Variants in ZNF730 observed in about 807,000 individuals in gnomAD.
The protein encoded by ZNF730 is putative zinc finger protein 730.
ZNF730 carries 12 observed loss-of-function variants against 12.6 expected under a neutral mutation model. The ratio of observed to expected loss-of-function variants is 0.95; its 90% CI spans 0.61 to 1.54. The LOEUF (loss-of-function observed/expected upper bound fraction) is 1.54, where lower values mean the gene tolerates loss of function less well. ZNF730 is among the 40% of genes most tolerant of loss of function. The pLI is 0.00. For missense variants in ZNF730, 643 were observed against 583.5 expected, an observed-to-expected ratio of 1.10 and a Z score of -1.05; for synonymous variants, 194 against 195.8, an observed-to-expected ratio of 0.99 and a Z score of 0.08.
At chr19:23,127,610 TTTTG>T in intron 1 of ZNF730, 1 of 1,000,054 alleles carries the variant, frequency 1.0e-6, no homozygotes, top group South Asian at 1.3e-5. Context: ...AGAAAACTCA[TTTTG>T]TTTAAAATTT....
In ZNF730 at chr19:23,134,144, C is replaced by A. The variant is rs748618072; in HGVS notation, c.68C>A (p.Thr23Asn). Residue 23 changes from threonine (T) to asparagine (N), a missense_variant, in exon 2 of 4, where the codon ACC becomes AAC. Transcript: ENST00000597761. ...FSLEEWQCLDTEQQNLYRNVM... is the reference protein window; with the variant it reads ...FSLEEWQCLDNEQQNLYRNVM... Reference sequence around the variant, plus strand: ...CTGGAGGAGTGGCAATGTCTGGACACCGAACAACAGAATTTATATAGAAAT... The same window carrying A: ...CTGGAGGAGTGGCAATGTCTGGACAACGAACAACAGAATTTATATAGAAAT... 2 of 1,613,036 alleles carry A rather than the reference C, an allele frequency of 1.2e-6. No individual in the cohort carries two copies. The highest frequency in any genetic ancestry group is 1.1e-5 in the South Asian group (1 of 90,926).
intron 1 of ZNF730, among the ~76,000 whole-genome samples, chr19:23,092,424 A>G (rs1970174373): frequency 6.7e-6 from 1 of 150,190 alleles, no homozygotes; most frequent in South Asian, 2.1e-4. Flanking sequence ...GAGAAGCCCC[A>G]TCTCTCTTAA....
At chr19:23,116,875 CTTCA>C (rs958436776), upstream of ZNF730, 27 of 366,594 alleles carry the variant, frequency 7.4e-5, no homozygotes, top group Admixed American at 1.2e-3. Flanking sequence ...CGCTGTCACT[CTTCA>C]TTCAGTCCAG....
chr19:23,142,895 T>C (rs1038071964), intron 3 of ZNF730, among the ~76,000 whole-genome samples: 3 of 152,174 alleles, frequency 2.0e-5, no homozygotes, highest in Non-Finnish European at 4.4e-5. Context: ...TCTCTTTGTG[T>C]ATCTATACAG....
rs202064582 is a variant in ZNF730 at position 23,138,301 on chromosome 19, A to T, written c.226+2258A>T. On this transcript the variant is annotated intron_variant, in intron 3 of 3. Coordinates refer to ENST00000597761, the MANE Select transcript of ZNF730 (RefSeq NM_001277403.2). ...CCGTCTCAAAAAAAAAAAAAAAAAA[A>T]AAGAAAATGGCTTTCACTGGGTACC... Among the ~76,000 whole-genome samples the T allele has an allele frequency of 1.3e-4, 2 of 15,190 alleles. 1 individual carries two copies. Among genetic ancestry groups the T allele is most frequent in the African/African-American group, 2.3e-4 (2 of 8,528 alleles). The allele number at this position is 15,190 out of a possible 152,430, so 10.0% of individuals were successfully genotyped here.
intron 1 of ZNF730, among the ~76,000 whole-genome samples, chr19:23,124,386 A>T (rs1297594944): frequency 6.6e-6 from 1 of 152,220 alleles, no homozygotes; most frequent in African/African-American, 2.4e-5. Context: ...GTAAAATGCA[A>T]GACTGGAATA....
At chr19:23,134,393 T>C (rs571779727) in intron 2 of ZNF730, among the ~76,000 whole-genome samples, 187 bp downstream of exon 2, 2 of 127,840 alleles carry the variant, frequency 1.6e-5, no homozygotes, top group East Asian at 4.8e-4. Context: ...GGTGGGGGGG[T>C]CAGCCCCCCG....
chr19:23,135,217 T>C (rs1970810190), intron 2 of ZNF730, among the ~76,000 whole-genome samples: 2 of 25,628 alleles, frequency 7.8e-5, no homozygotes, highest in South Asian at 2.6e-3. Flanking sequence ...CCAAGAATGA[T>C]CAATAAAAAA....
chr19:23,108,249 T>A (rs1018806995), intron 1 of ZNF730, among the ~76,000 whole-genome samples: 1 of 152,004 alleles, frequency 6.6e-6, no homozygotes, highest in Non-Finnish European at 1.5e-5. Flanking sequence ...ATCACACTGT[T>A]GCCCAGGTTC....
At chr19:23,127,727 TTTA>T (rs780220797) in intron 1 of ZNF730, 41 of 1,189,588 alleles carry the variant, frequency 3.4e-5, no homozygotes, top group Non-Finnish European at 4.6e-5. Flanking sequence ...AAGATCTACA[TTTA>T]TTGCTTTAAG....
chr19:23,078,140 C>T (rs1031039107), intron 1 of ZNF730, among the ~76,000 whole-genome samples: 41 of 152,208 alleles, frequency 2.7e-4, no homozygotes, highest in African/African-American at 7.9e-4. Context: ...ACCTGACCGT[C>T]CCCCAGCCTG....
chr19:23,146,033 A>G lies in ZNF730; in HGVS notation c.989A>G (p.His330Arg), dbSNP rs975821915. Residue 330 changes from histidine to arginine, a missense_variant, in exon 4 of 4, where the codon CAT becomes CGT. His to Arg is a conservative substitution (Grantham distance 29). Coordinates refer to ENST00000597761, the MANE Select transcript of ZNF730 (RefSeq NM_001277403.2). ...AFKWSSTLTK[H>R]KRIHNGEKPY... Reference sequence around the variant, plus strand: ...AAGTGGTCCTCAACCCTTACAAAACATAAAAGAATTCATAATGGAGAAAAA... The same window carrying G: ...AAGTGGTCCTCAACCCTTACAAAACGTAAAAGAATTCATAATGGAGAAAAA... The G allele has an allele frequency of 9.9e-6, 16 of 1,610,554 alleles. No homozygotes were observed. In the East Asian group the frequency reaches 2.0e-4, roughly 20 times the overall value.
chr19:23,080,590 G>T (rs1023820654), intron 1 of ZNF730, among the ~76,000 whole-genome samples: 5 of 151,838 alleles, frequency 3.3e-5, no homozygotes, highest in African/African-American at 1.2e-4. Flanking sequence ...GCCCAGGCTG[G>T]TCTCAAATTC....
At chr19:23,124,037 T>C (rs1020957981) in intron 1 of ZNF730, 5 of 152,204 alleles carry the variant, frequency 3.3e-5, no homozygotes, top group Admixed American at 1.3e-4. Context: ...GGTGCAGTTC[T>C]ACCCAGGAGG....
chr19:23,093,370 G>C (rs1430235615), intron 1 of ZNF730, among the ~76,000 whole-genome samples: 1 of 152,188 alleles, frequency 6.6e-6, no homozygotes. Flanking sequence ...CTTCCCATGG[G>C]GACTCAGGGA....
chr19:23,093,622 G>A (rs1266129282), intron 1 of ZNF730, among the ~76,000 whole-genome samples: 2 of 152,164 alleles, frequency 1.3e-5, no homozygotes, highest in African/African-American at 4.8e-5. Context: ...TGAGGCACTG[G>A]TGTCTGGGGA....
chr19:23,120,611 GATA>G lies in ZNF730; in HGVS notation c.3+3440_3+3442del, dbSNP rs747032113. Among the ~76,000 whole-genome samples the G allele has an allele frequency of 4.0e-5, 6 of 151,394 alleles. No individual in the cohort carries two copies. In the East Asian group the frequency reaches 5.8e-4, roughly 15 times the overall value. ...ATTAATCTTATTAACTTTGTTATAA[GATA>G]ATAAGATAAGTGGTTATTATCTTAT... On this transcript the variant is annotated intron_variant, in intron 1 of 3. Transcript: ENST00000597761.
chr19:23,101,432 A>T (rs1465284402), intron 1 of ZNF730, among the ~76,000 whole-genome samples: 1 of 152,060 alleles, frequency 6.6e-6, no homozygotes, highest in East Asian at 2.0e-4. Flanking sequence ...TGTGACTCAC[A>T]TACTTAGACC....
chr19:23,143,040 C>T (rs886790916), intron 3 of ZNF730, among the ~76,000 whole-genome samples: 8 of 151,784 alleles, frequency 5.3e-5, no homozygotes, highest in Non-Finnish European at 1.0e-4. Flanking sequence ...GTCAGGAGAT[C>T]GAGGCCATCC....
Sources: gnomAD v4.1 joint callset for allele counts (sites outside exome capture counted in the v4.1 genomes callset) on GRCh38, gnomAD v4.1.1 for gene constraint, MANE v1.5 for transcripts, NCBI Gene and HGNC (gene_info 2026-07-23, HGNC 2026-07-21) for gene names.